ZRANB3: variants seen among roughly 807,000 people sequenced by gnomAD.
ZRANB3 encodes zinc finger RANBP2-type containing 3.
ZRANB3 carries 125 observed loss-of-function variants against 133.8 expected under a neutral mutation model. The ratio of observed to expected loss-of-function variants is 0.93; its 90% CI spans 0.81 to 1.08. The LOEUF (loss-of-function observed/expected upper bound fraction) is 1.08, where lower values mean the gene tolerates loss of function less well. Ranked by LOEUF, ZRANB3 falls within the 50% of genes least tolerant of loss-of-function variation. The pLI is 0.00. For missense variants in ZRANB3, 1,229 were observed against 1,275.5 expected (o/e 0.96, Z 0.56); for synonymous variants, 387 against 432.7 (o/e 0.89, Z 1.31).
intron 12 of ZRANB3, among the ~76,000 whole-genome samples, chr2:135,262,702 GTCCAGGAC>G (rs1439782822): frequency 6.6e-6 from 1 of 151,800 alleles, no homozygotes; most frequent in Non-Finnish European, 1.5e-5. Flanking sequence ...AATCTCCTGA[GTCCAGGAC>G]TTTGAAGCTG....
intron 1 of ZRANB3, among the ~76,000 whole-genome samples, chr2:135,523,689 G>T (rs1343274875): frequency 6.6e-6 from 1 of 152,128 alleles, no homozygotes; most frequent in Non-Finnish European, 1.5e-5. Flanking sequence ...AGACACAGAT[G>T]GTCAACTAAT....
intron 2 of ZRANB3, among the ~76,000 whole-genome samples, chr2:135,439,858 G>A (rs1689704399): frequency 6.6e-6 from 1 of 152,198 alleles, no homozygotes. Context: ...TACATAGGAT[G>A]AAGATTTTTA....
chr2:135,477,700 G>T (rs1182170237), intron 2 of ZRANB3, among the ~76,000 whole-genome samples: 1 of 152,150 alleles, frequency 6.6e-6, no homozygotes, highest in East Asian at 1.9e-4. Flanking sequence ...AGTAGCATAA[G>T]AAAATACAGT....
chr2:135,366,278 G>A (rs4954246), intron 3 of ZRANB3, among the ~76,000 whole-genome samples: 40,605 of 151,830 alleles, frequency 0.27, 9,116 homozygotes, highest in African/African-American at 0.6. Flanking sequence ...ATTAAAAAGA[G>A]GGAGAAAGAA....
At chr2:135,404,376 T>C (rs958787706) in intron 2 of ZRANB3, among the ~76,000 whole-genome samples, 2 of 152,020 alleles carry the variant, frequency 1.3e-5, no homozygotes, top group East Asian at 3.9e-4. Context: ...ATGAATGAAA[T>C]GAAGCGAGAA....
chr2:135,470,720 C>T (rs1004548685), intron 2 of ZRANB3, among the ~76,000 whole-genome samples: 25 of 151,638 alleles, frequency 1.6e-4, no homozygotes, highest in Admixed American at 1.6e-3. Flanking sequence ...AACTGAAGCA[C>T]GGAGAAGTTA....
At chr2:135,263,437 G>A (rs11888228) in intron 12 of ZRANB3, among the ~76,000 whole-genome samples, 16,636 of 152,176 alleles carry the variant, frequency 0.11, 1,170 homozygotes, top group South Asian at 0.32. Flanking sequence ...ATATGTGTGA[G>A]AATATATTCT....
chr2:135,239,370 TA>T (rs372961448), intron 12 of ZRANB3, among the ~76,000 whole-genome samples: 38 of 147,914 alleles, frequency 2.6e-4, no homozygotes, highest in East Asian at 1.6e-3. Flanking sequence ...ACTGTACACT[TA>T]AAAATGGTTA....
At chr2:135,494,407 G>A (rs1692573359) in intron 2 of ZRANB3, among the ~76,000 whole-genome samples, 1 of 151,670 alleles carries the variant, frequency 6.6e-6, no homozygotes, top group Non-Finnish European at 1.5e-5. Flanking sequence ...AGGAGCAGAA[G>A]GGGGGCTCTT....
At chr2:135,319,597 G>T (rs994409426) in intron 6 of ZRANB3, among the ~76,000 whole-genome samples, 1 of 151,748 alleles carries the variant, frequency 6.6e-6, no homozygotes, top group African/African-American at 2.4e-5. Flanking sequence ...AGAATTATTC[G>T]CAGATTATCC....
chr2:135,446,404 A>C (rs1219328652), intron 2 of ZRANB3, among the ~76,000 whole-genome samples: 1 of 152,082 alleles, frequency 6.6e-6, no homozygotes, highest in Admixed American at 6.6e-5. Context: ...GGGTGTTAAG[A>C]TGCAGGAGGA....
At chr2:135,459,192 T>C (rs1690659360) in intron 2 of ZRANB3, among the ~76,000 whole-genome samples, 1 of 152,290 alleles carries the variant, frequency 6.6e-6, no homozygotes. Flanking sequence ...ATGGAATTGG[T>C]AGCTATGCAG....
intron 13 of ZRANB3, among the ~76,000 whole-genome samples, chr2:135,229,655 C>A (rs1334646393): frequency 6.6e-6 from 1 of 152,142 alleles, no homozygotes; most frequent in Non-Finnish European, 1.5e-5. Flanking sequence ...GCGTGAGCCA[C>A]CGCGCCCGGC....
intron 3 of ZRANB3, among the ~76,000 whole-genome samples, chr2:135,385,639 T>G (rs1244514578): frequency 3.3e-5 from 5 of 152,012 alleles, no homozygotes; most frequent in African/African-American, 9.7e-5. Flanking sequence ...CCAAAACAGA[T>G]ATATTGAGCA....
intron 6 of ZRANB3, among the ~76,000 whole-genome samples, chr2:135,316,603 A>T (rs1573897707): frequency 6.6e-6 from 1 of 152,216 alleles, no homozygotes; most frequent in African/African-American, 2.4e-5. Flanking sequence ...AATTTGAGAA[A>T]TGTGGAACTC....
intron 2 of ZRANB3, among the ~76,000 whole-genome samples, chr2:135,399,418 A>G (rs1687641612): frequency 1.3e-5 from 2 of 152,224 alleles, no homozygotes; most frequent in South Asian, 2.1e-4. Flanking sequence ...AATATGAACA[A>G]TGTTATAGGA....
intron 2 of ZRANB3, among the ~76,000 whole-genome samples, chr2:135,473,686 T>C (rs2104783206): frequency 6.6e-6 from 1 of 152,334 alleles, no homozygotes; most frequent in African/African-American, 2.4e-5. Flanking sequence ...GATAATGGTG[T>C]CTTCGTATTT....
intron 9 of ZRANB3, among the ~76,000 whole-genome samples, chr2:135,275,078 C>T (rs1411028688): frequency 6.6e-6 from 1 of 152,244 alleles, no homozygotes; most frequent in Admixed American, 6.5e-5. Flanking sequence ...CCACATTTCC[C>T]CCTTTTCTAT....
intron 8 of ZRANB3, among the ~76,000 whole-genome samples, chr2:135,290,933 T>A (rs1681677270): frequency 6.6e-6 from 1 of 152,174 alleles, no homozygotes; most frequent in South Asian, 2.1e-4. Flanking sequence ...GAACACCAAT[T>A]ATTCTGGCAC....
Sources: gnomAD v4.1 joint callset for allele counts (sites outside exome capture counted in the v4.1 genomes callset) on GRCh38, gnomAD v4.1.1 for gene constraint, MANE v1.5 for transcripts, NCBI Gene and HGNC (gene_info 2026-07-23, HGNC 2026-07-21) for gene names.